Variants in CCDC88A observed in about 807,000 individuals in gnomAD.
CCDC88A encodes coiled-coil and HOOK domain protein 88A, also known as girdin.
A neutral mutation model predicts 234.3 loss-of-function variants in CCDC88A; 54 were observed. The observed-to-expected ratio is 0.23, with a 90% CI of 0.19 to 0.29. CCDC88A has a LOEUF of 0.29. Ranked by LOEUF, CCDC88A falls within the 10% of genes least tolerant of loss-of-function variation. CCDC88A has a pLI of 1.00. For missense variants in CCDC88A, 1,832 were observed against 2,123.4 expected, an observed-to-expected ratio of 0.86 and a Z score of 2.70; for synonymous variants, 753 against 737.8, an observed-to-expected ratio of 1.02 and a Z score of -0.33.
intron 2 of CCDC88A, among the ~76,000 whole-genome samples, chr2:55,398,975 T>C (rs1678106018): frequency 6.6e-6 from 1 of 152,128 alleles, no homozygotes; most frequent in East Asian, 1.9e-4. Context: ...AATTAGTAGC[T>C]TCGGAAAAAT....
intron 12 of CCDC88A, among the ~76,000 whole-genome samples, chr2:55,341,168 CA>C (rs1459355858): frequency 3.6e-5 from 4 of 112,142 alleles, no homozygotes; most frequent in Middle Eastern, 8.2e-3. Flanking sequence ...TTTTTTGAGA[CA>C]GAGTCTTGCT....
intron 25 of CCDC88A, among the ~76,000 whole-genome samples, chr2:55,306,988 C>T (rs1681660666): frequency 6.6e-6 from 1 of 152,100 alleles, no homozygotes; most frequent in Non-Finnish European, 1.5e-5. Context: ...TGAGAGTTGC[C>T]CATTTGGAGA....
chr2:55,388,942 A>G (rs1676149725), intron 2 of CCDC88A, 56 bp from the exon 3 acceptor site: 1 of 511,652 alleles, frequency 2.0e-6, no homozygotes, highest in Middle Eastern at 5.4e-4. Context: ...ATCAATCTAT[A>G]TATAATTAAA....
intron 3 of CCDC88A, among the ~76,000 whole-genome samples, chr2:55,375,779 T>C (rs1166369807): frequency 6.6e-6 from 1 of 151,832 alleles, no homozygotes. Flanking sequence ...CCACCCGCCT[T>C]GGCCTCCCAA....
intron 18 of CCDC88A, among the ~76,000 whole-genome samples, chr2:55,320,325 T>C (rs1204070731): frequency 1.3e-5 from 2 of 152,148 alleles, no homozygotes; most frequent in Non-Finnish European, 2.9e-5. Flanking sequence ...AAAAAATTCC[T>C]ATAGTCTATA....
intron 25 of CCDC88A, among the ~76,000 whole-genome samples, chr2:55,303,676 C>G (rs569677423): frequency 8.5e-5 from 13 of 152,168 alleles, no homozygotes; most frequent in Non-Finnish European, 1.9e-4. Flanking sequence ...CCACCACGCC[C>G]GGCCTGAGGA....
Position 55,388,841 on chromosome 2 carries a change from A to G in CCDC88A, c.210T>C (p.Asn70=). 6.5e-7 allele frequency: 1 copy of G among 1,540,758 alleles called. No individual in the cohort carries two copies. Among genetic ancestry groups the G allele is most frequent in the Non-Finnish European group, 8.9e-7 (1 of 1,129,420 alleles). ...ESQRVNKKVN[N]DASLRMHNLS... is the part of the protein sequence containing the mutation. ...GATTGTGCATTCTAAGTGAGGCATC[A>G]TTATTGACTTTTTTATTTACTCTCT... is the stretch of plus-strand genomic sequence containing the variant. The change falls in exon 3 of 33, where the codon AAT becomes AAC. Residue 70 remains asparagine (N), a synonymous_variant. Transcript: ENST00000436346.
chr2:55,347,220 T>TA (rs1447439308), intron 9 of CCDC88A, among the ~76,000 whole-genome samples: 1 of 152,216 alleles, frequency 6.6e-6, no homozygotes, highest in Non-Finnish European at 1.5e-5. Context: ...AGACAAATAT[T>TA]AAAATCCAAC....
intron 27 of CCDC88A, 73 bp from the exon 28 acceptor site, chr2:55,301,350 G>T: frequency 2.6e-6 from 2 of 764,274 alleles, no homozygotes; most frequent in Non-Finnish European, 4.2e-6. Flanking sequence ...TATTTACATA[G>T]AATATGGAAA....
At chr2:55,353,942 T>C (rs1411063071) in intron 8 of CCDC88A, among the ~76,000 whole-genome samples, 1 of 152,188 alleles carries the variant, frequency 6.6e-6, no homozygotes, top group Non-Finnish European at 1.5e-5. Flanking sequence ...GATATAGTAC[T>C]TACACAAATC....
At chr2:55,300,141 G>A in intron 28 of CCDC88A, 1 of 469,372 alleles carries the variant, frequency 2.1e-6, no homozygotes, top group East Asian at 3.8e-5. Context: ...AGGATAAAGT[G>A]CATATTTAGA....
At chr2:55,411,577 G>A (rs545465977) in intron 2 of CCDC88A, among the ~76,000 whole-genome samples, 5 of 151,768 alleles carry the variant, frequency 3.3e-5, no homozygotes, top group South Asian at 4.2e-4. Context: ...TCAGGAGTTC[G>A]AAACCAGCCT....
intron 3 of CCDC88A, among the ~76,000 whole-genome samples, chr2:55,378,249 A>C (rs776314413): frequency 6.6e-6 from 1 of 152,188 alleles, no homozygotes; most frequent in African/African-American, 2.4e-5. Flanking sequence ...ACAAAGATGA[A>C]AGCAATCTCA....
chr2:55,297,358 T>TATATATAATATATATTATATATAA (rs1680263779), intron 29 of CCDC88A, among the ~76,000 whole-genome samples: 1 of 104,736 alleles, frequency 9.5e-6, no homozygotes, highest in Non-Finnish European at 1.7e-5. Flanking sequence ...TATATATAAA[T>TATATATAATATATATTATATATAA]ATATATAATA....
At chr2:55,380,072 A>G (rs919259549) in intron 3 of CCDC88A, among the ~76,000 whole-genome samples, 4 of 148,624 alleles carry the variant, frequency 2.7e-5, no homozygotes, top group African/African-American at 9.8e-5. Context: ...AAAAAAAAAA[A>G]AAAAAAAAAA....
At chr2:55,329,079 C>T (rs1684618948) in intron 16 of CCDC88A, 1 of 152,144 alleles carries the variant, frequency 6.6e-6, no homozygotes, top group Admixed American at 6.6e-5. Flanking sequence ...AATGAAGACT[C>T]CTTATCTCAG....
intron 3 of CCDC88A, among the ~76,000 whole-genome samples, chr2:55,381,987 T>C (rs954139385): frequency 6.6e-6 from 1 of 152,230 alleles, no homozygotes; most frequent in Non-Finnish European, 1.5e-5. Context: ...TCTGTCAGTT[T>C]ATCCATGTTA....
chr2:55,353,936 T>C (rs1358020164), intron 8 of CCDC88A, among the ~76,000 whole-genome samples: 2 of 152,164 alleles, frequency 1.3e-5, no homozygotes, highest in African/African-American at 4.8e-5. Flanking sequence ...ACAGAGGATA[T>C]AGTACTTACA....
chr2:55,355,735 G>C lies in CCDC88A; in HGVS notation c.644C>G (p.Ser215Cys), dbSNP rs1450514544. 4 of 1,613,474 alleles carry C rather than the reference G, an allele frequency of 2.5e-6. No homozygotes were observed. The highest frequency in any genetic ancestry group is 3.4e-6 in the Non-Finnish European group (4 of 1,179,450). Reference protein sequence around the residue: ...DEHSETIIELSEERDGLHFLP... With the variant: ...DEHSETIIELCEERDGLHFLP... ...AAAATGGAGACCATCCCGCTCTTCA[G>C]AGAGTTCTATGATAGTCTAGAAATA... is the stretch of plus-strand genomic sequence containing the variant. The change falls in exon 8 of 33, where the codon TCT (serine) becomes TGT (cysteine). Residue 215 changes from serine to cysteine, a missense_variant. This residue lies in a region of CCDC88A where 1,282 missense variants were observed against 1,543.6 expected (regional missense o/e 0.83). Transcript: ENST00000436346.
Sources: gnomAD v4.1 joint callset for allele counts (sites outside exome capture counted in the v4.1 genomes callset) on GRCh38, gnomAD v4.1.1 for gene constraint, gnomAD v4.1.1 regional missense constraint, MANE v1.5 for transcripts, NCBI Gene and HGNC (gene_info 2026-07-23, HGNC 2026-07-21) for gene names.